Variants in ADAMTS3 observed in about 807,000 individuals in gnomAD.
ADAMTS3 encodes the protein ADAM metallopeptidase with thrombospondin type 1 motif 3, also known as A disintegrin and metalloproteinase with thrombospondin motifs 3.
A neutral mutation model predicts 129.0 loss-of-function variants in ADAMTS3; 73 were observed. The observed-to-expected ratio is 0.57, with a 90% CI of 0.47 to 0.69. ADAMTS3 has a LOEUF of 0.69. ADAMTS3 is among the 30% of genes least tolerant of loss of function. The probability of loss-of-function intolerance (pLI) is 0.00; values close to 1 mark genes in which losing one functional copy is unlikely to be tolerated. For missense variants in ADAMTS3, 1,457 were observed against 1,514.5 expected (o/e 0.96, Z 0.63); for synonymous variants, 477 against 510.8 (o/e 0.93, Z 0.89).
intron 4 of ADAMTS3, among the ~76,000 whole-genome samples, chr4:72,341,272 T>A (rs1720130487): frequency 6.6e-6 from 1 of 152,126 alleles, no homozygotes; most frequent in Non-Finnish European, 1.5e-5. Context: ...ATGTGACTAC[T>A]CAGGTTTAAA....
At chr4:72,520,792 C>T (rs1231421403) in intron 3 of ADAMTS3, among the ~76,000 whole-genome samples, 2 of 152,160 alleles carry the variant, frequency 1.3e-5, no homozygotes, top group African/African-American at 4.8e-5. Flanking sequence ...CCTTGTGCTT[C>T]CCGAGTGAGG....
chr4:72,422,804 G>C (rs541625238), intron 3 of ADAMTS3, among the ~76,000 whole-genome samples: 1 of 152,246 alleles, frequency 6.6e-6, no homozygotes, highest in Non-Finnish European at 1.5e-5. Flanking sequence ...TGGCAAATGG[G>C]AACAAGGGGT....
At position 72,371,959 on chromosome 4, in the gene ADAMTS3, A is replaced by G. The variant is rs536292891; in HGVS notation, c.662-32266T>C. Reference sequence around the variant, plus strand: ...TCCCAACATGATGGAATTAACAAGAAATCAAAAGCAAAAAGATAATTAGAA... The same window carrying G: ...TCCCAACATGATGGAATTAACAAGAGATCAAAAGCAAAAAGATAATTAGAA... On this transcript the variant is annotated intron_variant, in intron 4 of 21. Transcript: ENST00000286657. Among the ~76,000 whole-genome samples, 11 of 152,288 alleles carry G rather than the reference A, an allele frequency of 7.2e-5. No homozygotes were observed. The East Asian group carries it at 1.3e-3, about 19-fold the overall frequency.
intron 3 of ADAMTS3, among the ~76,000 whole-genome samples, chr4:72,450,253 AACC>A (rs573179791): frequency 1.3e-5 from 2 of 151,692 alleles, no homozygotes; most frequent in Non-Finnish European, 1.5e-5. Flanking sequence ...CCCTGCTTGA[AACC>A]ACATTTTTTT....
intron 3 of ADAMTS3, among the ~76,000 whole-genome samples, chr4:72,492,428 TTG>T (rs1395805042): frequency 6.6e-6 from 1 of 151,734 alleles, no homozygotes; most frequent in Admixed American, 6.6e-5. Flanking sequence ...CTTTGATATG[TTG>T]TTTTAATTTT....
At chr4:72,437,189 C>A (rs1479172341) in intron 3 of ADAMTS3, among the ~76,000 whole-genome samples, 1 of 151,732 alleles carries the variant, frequency 6.6e-6, no homozygotes, top group Non-Finnish European at 1.5e-5. Context: ...CCAGTTATCA[C>A]CAAATCTTCT....
chr4:72,507,219 G>C (rs907781260), intron 3 of ADAMTS3, among the ~76,000 whole-genome samples: 15 of 152,244 alleles, frequency 9.9e-5, no homozygotes, highest in African/African-American at 3.6e-4. Flanking sequence ...GTCTGTGGCA[G>C]GTCCATTATA....
At chr4:72,511,542 A>G (rs1720316492) in intron 3 of ADAMTS3, among the ~76,000 whole-genome samples, 1 of 152,230 alleles carries the variant, frequency 6.6e-6, no homozygotes, top group Non-Finnish European at 1.5e-5. Context: ...CATCAGAGAA[A>G]TGCAAATTAA....
At chr4:72,321,609 G>C (rs192302435) in intron 6 of ADAMTS3, among the ~76,000 whole-genome samples, 204 of 152,224 alleles carry the variant, frequency 1.3e-3, no homozygotes, top group Middle Eastern at 6.8e-3. Context: ...TGTTTTTCCA[G>C]AGATGTGAAG....
At chr4:72,286,214 C>A (rs1465356803) in intron 21 of ADAMTS3, among the ~76,000 whole-genome samples, 1 of 152,186 alleles carries the variant, frequency 6.6e-6, no homozygotes, top group Non-Finnish European at 1.5e-5. Flanking sequence ...CACAGCTGTA[C>A]CAGCTCCAAG....
intron 3 of ADAMTS3, among the ~76,000 whole-genome samples, chr4:72,470,836 T>C (rs1719054347): frequency 1.3e-5 from 2 of 152,046 alleles, no homozygotes; most frequent in South Asian, 2.1e-4. Context: ...CCAGTTGCAA[T>C]AAAAAAGTCC....
intron 4 of ADAMTS3, among the ~76,000 whole-genome samples, chr4:72,391,939 T>A (rs1055542022): frequency 1.3e-5 from 2 of 152,186 alleles, no homozygotes; most frequent in African/African-American, 4.8e-5. Context: ...CAATAACAAA[T>A]TCTAACCACC....
chr4:72,427,166 T>C (rs1331974478), intron 3 of ADAMTS3, among the ~76,000 whole-genome samples: 1 of 152,064 alleles, frequency 6.6e-6, no homozygotes, highest in African/African-American at 2.4e-5. Context: ...ACTATTCTCT[T>C]TCAACCTAAC....
chr4:72,367,558 C>T (rs1720898408), intron 4 of ADAMTS3, among the ~76,000 whole-genome samples: 1 of 152,054 alleles, frequency 6.6e-6, no homozygotes, highest in Admixed American at 6.6e-5. Flanking sequence ...AATTTAGTAG[C>T]ATGATGAATT....
chr4:72,287,256 A>C (rs1000264860), intron 21 of ADAMTS3, among the ~76,000 whole-genome samples: 2 of 151,980 alleles, frequency 1.3e-5, no homozygotes, highest in African/African-American at 4.8e-5. Flanking sequence ...ACTCTGAGCA[A>C]TAATTTTTTT....
At chr4:72,445,357 C>T (rs888607206) in intron 3 of ADAMTS3, among the ~76,000 whole-genome samples, 10 of 151,730 alleles carry the variant, frequency 6.6e-5, no homozygotes, top group African/African-American at 1.4e-4. Flanking sequence ...GAAAACTCTT[C>T]TCCTGAGTCT....
chr4:72,554,571 TC>T (rs984278567), intron 2 of ADAMTS3, among the ~76,000 whole-genome samples: 35 of 149,056 alleles, frequency 2.3e-4, no homozygotes, highest in African/African-American at 8.3e-4. Flanking sequence ...GTGCTGATTC[TC>T]CCAAATCAGG....
chr4:72,479,880 C>T (rs955620425), intron 3 of ADAMTS3, among the ~76,000 whole-genome samples: 6 of 152,092 alleles, frequency 3.9e-5, no homozygotes, highest in Non-Finnish European at 7.3e-5. Flanking sequence ...AAAGAGTGGG[C>T]AAAGGATATG....
chr4:72,477,891 C>A (rs902060459), intron 3 of ADAMTS3, among the ~76,000 whole-genome samples: 7 of 152,058 alleles, frequency 4.6e-5, no homozygotes, highest in East Asian at 1.9e-4. Context: ...ATACAAACTA[C>A]CATCAGAGAA....
Sources: allele counts gnomAD v4.1 joint callset (sites outside exome capture counted in the v4.1 genomes callset), GRCh38; gene constraint gnomAD v4.1.1; transcripts MANE v1.5; gene names NCBI Gene and HGNC (gene_info 2026-07-23, HGNC 2026-07-21).